Variants in CHDH observed in about 807,000 individuals in gnomAD.
CHDH encodes the protein choline dehydrogenase.
A neutral mutation model predicts 56.9 loss-of-function variants in CHDH; 43 were observed. The observed-to-expected ratio is 0.76, with a 90% CI of 0.59 to 0.97. CHDH has a LOEUF of 0.97. Among genes scored for constraint, CHDH ranks in the 50% least tolerant of loss-of-function variants. CHDH has a pLI of 0.00. For synonymous variants in CHDH, 364 were observed against 348.5 expected (o/e 1.04, Z -0.50); for missense variants, 816 against 821.1 (o/e 0.99, Z 0.08).
In CHDH at chr3:53,823,530, T is replaced by C; in HGVS notation, c.479A>G (p.Tyr160Cys). 2 of 1,542,502 alleles carry C rather than the reference T, an allele frequency of 1.3e-6. No homozygotes were observed. Among genetic ancestry groups the C allele is most frequent in the Non-Finnish European group, 1.7e-6 (2 of 1,146,036 alleles). ...WQRQGARGWDYAHCLPYFRKA... is the reference protein window; with the variant it reads ...WQRQGARGWDCAHCLPYFRKA... ...GCGGAAGTAGGGCAGGCAGTGCGCG[T>C]AGTCCCAGCCGCGGGCGCCCTGGCG... Residue 160 changes from tyrosine (Y) to cysteine (C), a missense_variant, in exon 3 of 9, where the codon TAC becomes TGC. Tyr to Cys is a radical substitution (Grantham distance 194, BLOSUM62 -2). Transcript: ENST00000315251.
chr3:53,845,697 G>C (rs1033642647), intron 1 of CHDH, among the ~76,000 whole-genome samples: 9 of 152,174 alleles, frequency 5.9e-5, no homozygotes, highest in Non-Finnish European at 1.2e-4. Context: ...ATTTTAGGCG[G>C]CGCTAGAGAT....
Position 53,816,627 on chromosome 3 carries a change from A to T in CHDH, c.*1150T>A, listed in dbSNP as rs1449995097. ...CTGGGATGGCTCAGGCTGCCAAGTC[A>T]TTTCCCAAGACCAGTATGAGAGAGT... On this transcript the variant is annotated 3_prime_UTR_variant, in exon 9 of 9. Transcript: ENST00000315251. The T allele has an allele frequency of 1.3e-5, 2 of 152,126 alleles. No individual in the cohort carries two copies. The highest frequency in any genetic ancestry group is 2.9e-5 in the Non-Finnish European group (2 of 68,028). The allele number at this position is 152,126 out of a possible 1,614,324, so 9.4% of individuals were successfully genotyped here.
chr3:53,816,194 G>A lies in CHDH; in HGVS notation c.*1583C>T, dbSNP rs1277156766. On this transcript the variant is annotated 3_prime_UTR_variant, in exon 9 of 9. Coordinates refer to ENST00000315251, the MANE Select transcript of CHDH (RefSeq NM_018397.5). ...ATCCTCTCAGATCCGAGCAAAGCCTGGAATCCCCCAATTTCCTCCCGTCCT... is the reference window on the plus strand; with the variant it reads ...ATCCTCTCAGATCCGAGCAAAGCCTAGAATCCCCCAATTTCCTCCCGTCCT... 4.2e-5 allele frequency: 5 copies of A among 120,240 alleles called. No individual in the cohort carries two copies. Among genetic ancestry groups the A allele is most frequent in the Non-Finnish European group, 8.0e-5 (5 of 62,276 alleles). The allele number at this position is 120,240 out of a possible 1,614,324, so 7.4% of individuals were successfully genotyped here.
intron 3 of CHDH, 104 bp downstream of exon 3, chr3:53,823,202 C>A (rs1242566388): frequency 3.0e-5 from 32 of 1,082,774 alleles, no homozygotes; most frequent in Non-Finnish European, 3.7e-5. Flanking sequence ...TCTGCCCATG[C>A]CTCCTGACCA....
At chr3:53,823,131 C>T (rs2241807) in intron 3 of CHDH, among the ~76,000 whole-genome samples, 175 bp downstream of exon 3, 64,358 of 151,920 alleles carry the variant, frequency 0.42, 15,928 homozygotes, top group South Asian at 0.58. Context: ...CTCAGGGCTC[C>T]GGGTTGTACT....
Position 53,823,711 on chromosome 3 carries a change from C to T in CHDH, c.298G>A (p.Asp100Asn), listed in dbSNP as rs369163349. 36 of 1,550,922 alleles carry T rather than the reference C, an allele frequency of 2.3e-5. No homozygotes were observed. In the Admixed American group the frequency reaches 5.8e-4, roughly 25 times the overall value. The change falls in exon 3 of 9, where the codon GAC (aspartate) becomes AAC (asparagine). Residue 100 changes from aspartate (D) to asparagine (N), a missense_variant. Asp to Asn is a conservative substitution (Grantham distance 23, BLOSUM62 1). Coordinates refer to ENST00000315251, the MANE Select transcript of CHDH (RefSeq NM_018397.5). ...TGGTAGCACCAGTTGTACCTGTCGT[C>T]GCACAGGTTGGCCACCAGGGCCGCG... ...MPAALVANLC[D>N]DRYNWCYHTE...
At position 53,812,523 on chromosome 3, in the gene CHDH, G is replaced by GTACC. The variant is rs1259030947; in HGVS notation, c.*5250_*5253dup. On this transcript the variant is annotated 3_prime_UTR_variant, in exon 9 of 9. Transcript: ENST00000315251. ...GCAAGAGTTCCATGATTTTGATACT[G>GTACC]TACCTTTGGATCCACCATGGGTTGC... 6.6e-6 allele frequency: 1 copy of GTACC among 152,140 alleles called. No homozygotes were observed. The highest frequency in any genetic ancestry group is 1.5e-5 in the Non-Finnish European group (1 of 68,030). 9.4% of individuals were successfully genotyped at this position (152,140 alleles called of 1,614,324 possible).
chr3:53,812,670 T>C lies in CHDH; in HGVS notation c.*5107A>G, dbSNP rs1315467033. Reference sequence around the variant, plus strand: ...GTATCCATAGTTACGGTTTTCTCTGTGGCCCACCCAGGGTGTTTTTTGCAT... The same window carrying C: ...GTATCCATAGTTACGGTTTTCTCTGCGGCCCACCCAGGGTGTTTTTTGCAT... On this transcript the variant is annotated 3_prime_UTR_variant, in exon 9 of 9. Transcript: ENST00000315251. 6.6e-6 allele frequency: 1 copy of C among 152,222 alleles called. No homozygotes were observed. The highest frequency in any genetic ancestry group is 1.5e-5 in the Non-Finnish European group (1 of 68,050). 9.4% of individuals were successfully genotyped at this position (152,222 alleles called of 1,614,324 possible).
intron 5 of CHDH, 81 bp from the exon 6 acceptor site, chr3:53,820,689 T>C (rs1576778838): frequency 6.6e-7 from 1 of 1,512,974 alleles, no homozygotes; most frequent in East Asian, 2.3e-5. Flanking sequence ...TTTTGAAAAA[T>C]TCTTTCCTAT....
chr3:53,833,017 T>C (rs1559759248), intron 2 of CHDH, among the ~76,000 whole-genome samples: 1 of 152,214 alleles, frequency 6.6e-6, no homozygotes, highest in East Asian at 1.9e-4. Context: ...TTGAGGGTAG[T>C]AGTAACCTCT....
At chr3:53,836,214 C>A (rs1284855732) in intron 2 of CHDH, among the ~76,000 whole-genome samples, 1 of 152,150 alleles carries the variant, frequency 6.6e-6, no homozygotes, top group South Asian at 2.1e-4. Context: ...TAACCCTGGG[C>A]AGCTGCTCCT....
Position 53,824,037 on chromosome 3 carries a change from C to T in CHDH, c.-29G>A. The T allele has an allele frequency of 4.2e-6, 6 of 1,416,908 alleles. No homozygotes were observed. The highest frequency in any genetic ancestry group is 5.5e-6 in the Non-Finnish European group (6 of 1,090,314). The allele number at this position is 1,416,908 out of a possible 1,614,324, so 87.8% of individuals were successfully genotyped here. ...TCTATCTAGTCCAAGTCCTCTGATC[C>T]ACGGAGGGGAATGAGATGACTCACT... On this transcript the variant is annotated 5_prime_UTR_variant, in exon 3 of 9. Transcript: ENST00000315251.
In CHDH at chr3:53,836,527, A is replaced by C. The variant is rs552460217; in HGVS notation, c.-60+4402T>G. Reference sequence around the variant, plus strand: ...GCATGGATTGCCCTCCTCACCACTGACCACATCCATCCTGGGACTTCTCTG... The same window carrying C: ...GCATGGATTGCCCTCCTCACCACTGCCCACATCCATCCTGGGACTTCTCTG... On this transcript the variant is annotated intron_variant, in intron 2 of 8. Coordinates refer to ENST00000315251, the MANE Select transcript of CHDH (RefSeq NM_018397.5). 7.2e-5 allele frequency among the ~76,000 whole-genome samples: 11 copies of C among 152,194 alleles called. No homozygotes were observed. The East Asian group carries it at 1.9e-3, about 27-fold the overall frequency.
chr3:53,822,663 G>T, intron 3 of CHDH, 21 bp from the exon 4 acceptor site: 1 of 1,600,706 alleles, frequency 6.2e-7, no homozygotes, highest in Non-Finnish European at 8.5e-7. Context: ...GAGTGAGGTG[G>T]TCAGGCATGG....
At position 53,839,193 on chromosome 3, in the gene CHDH, C is replaced by T. The variant is rs140295850; in HGVS notation, c.-60+1736G>A. 7.3e-3 allele frequency among the ~76,000 whole-genome samples: 1,112 copies of T among 152,270 alleles called. 16 individuals carry two copies. The highest frequency in any genetic ancestry group is 0.025 in the African/African-American group (1,053 of 41,538). On this transcript the variant is annotated intron_variant, in intron 2 of 8. Coordinates refer to ENST00000315251, the MANE Select transcript of CHDH (RefSeq NM_018397.5). ...TGTATAGTCCAGGCAGGGGTCTGAACGGGAGAATGCAATACCACCTATAAA... is the reference window on the plus strand; with the variant it reads ...TGTATAGTCCAGGCAGGGGTCTGAATGGGAGAATGCAATACCACCTATAAA...
chr3:53,838,832 C>T (rs909788922), intron 2 of CHDH, among the ~76,000 whole-genome samples: 4 of 152,182 alleles, frequency 2.6e-5, no homozygotes, highest in African/African-American at 7.2e-5. Context: ...GAAAAGCAGA[C>T]ACAGAAGCAG....
At chr3:53,838,196 T>G (rs1370267631) in intron 2 of CHDH, among the ~76,000 whole-genome samples, 1 of 152,164 alleles carries the variant, frequency 6.6e-6, no homozygotes, top group Non-Finnish European at 1.5e-5. Flanking sequence ...TTCTTCTCCC[T>G]TGCAGGCGTG....
chr3:53,820,122 T>C (rs900950196), intron 6 of CHDH, among the ~76,000 whole-genome samples: 1 of 152,098 alleles, frequency 6.6e-6, no homozygotes, highest in Non-Finnish European at 1.5e-5. Flanking sequence ...CCCCAAAGTC[T>C]CCTCTCTCCA....
intron 8 of CHDH, 124 bp from the exon 9 acceptor site, chr3:53,818,319 G>C: frequency 2.3e-6 from 2 of 853,288 alleles, no homozygotes; most frequent in East Asian, 5.3e-5. Flanking sequence ...ACAAAGTTCA[G>C]GGCCATGGGG....
Sources: allele counts gnomAD v4.1 joint callset (sites outside exome capture counted in the v4.1 genomes callset), GRCh38; gene constraint gnomAD v4.1.1; transcripts MANE v1.5; gene names NCBI Gene and HGNC (gene_info 2026-07-23, HGNC 2026-07-21).